Variants in RAPGEF6 observed in about 807,000 individuals in gnomAD.
RAPGEF6 encodes Rap guanine nucleotide exchange factor 6, also known as PDZ domain containing guanine nucleotide exchange factor (GEF) 2.
A neutral mutation model predicts 171.4 loss-of-function variants in RAPGEF6; 56 were observed. The ratio of observed to expected loss-of-function variants is 0.33; its 90% confidence interval spans 0.26 to 0.41. RAPGEF6 has a LOEUF of 0.41. Among genes scored for constraint, RAPGEF6 ranks in the 10% least tolerant of loss-of-function variants. RAPGEF6 has a pLI of 1.00. For missense variants in RAPGEF6, 1,674 were observed against 1,921.4 expected (o/e 0.87, Z 2.41); for synonymous variants, 692 against 650.1 (o/e 1.06, Z -0.98).
intron 4 of RAPGEF6, among the ~76,000 whole-genome samples, chr5:131,573,128 C>T (rs1184113157): frequency 6.6e-6 from 1 of 152,132 alleles, no homozygotes; most frequent in Non-Finnish European, 1.5e-5. Context: ...TCTGACCTCT[C>T]TCCTTCTCCC....
chr5:131,633,492 G>A (rs1480171230), intron 1 of RAPGEF6, among the ~76,000 whole-genome samples: 1 of 152,152 alleles, frequency 6.6e-6, no homozygotes, highest in African/African-American at 2.4e-5. Context: ...CACTTTGGGA[G>A]GCCAACGCGG....
intron 9 of RAPGEF6, among the ~76,000 whole-genome samples, chr5:131,506,974 T>C (rs2149891108): frequency 6.6e-6 from 1 of 151,676 alleles, no homozygotes; most frequent in African/African-American, 2.4e-5. Flanking sequence ...AGATGTTTTC[T>C]AGGATACGGG....
chr5:131,604,767 G>A, intron 1 of RAPGEF6, 74 bp from the exon 2 acceptor site: 3 of 1,477,582 alleles, frequency 2.0e-6, no homozygotes, highest in Admixed American at 5.3e-5. Flanking sequence ...CCACAATTCT[G>A]ATTTTAAGCA....
At chr5:131,466,375 G>C (rs551152920) in intron 17 of RAPGEF6, among the ~76,000 whole-genome samples, 3 of 152,212 alleles carry the variant, frequency 2.0e-5, no homozygotes, top group African/African-American at 7.2e-5. Flanking sequence ...GACATCATCA[G>C]GTTTTTAAAC....
chr5:131,616,140 A>G (rs1765249214), intron 1 of RAPGEF6, among the ~76,000 whole-genome samples: 2 of 152,098 alleles, frequency 1.3e-5, no homozygotes, highest in South Asian at 4.1e-4. Flanking sequence ...AGTGGTGATG[A>G]CTTGGTACTT....
intron 4 of RAPGEF6, among the ~76,000 whole-genome samples, chr5:131,577,682 A>C (rs1762687211): frequency 6.6e-6 from 1 of 152,092 alleles, no homozygotes; most frequent in African/African-American, 2.4e-5. Flanking sequence ...ACAGTACCCT[A>C]ACTGCCGTCC....
In RAPGEF6 at chr5:131,587,976, T is replaced by C. The variant is rs186300147; in HGVS notation, c.281+4407A>G. ...AAGGTATTTCCTTATGGACAAATCA[T>C]GAGGGAGCAATGTAGCTTTTTTTTT... On this transcript the variant is annotated intron_variant, in intron 4 of 27. Transcript: ENST00000509018. Among the ~76,000 whole-genome samples, 112 of 151,796 alleles carry C rather than the reference T, an allele frequency of 7.4e-4. 1 individual carries two copies. The highest frequency in any genetic ancestry group is 5.2e-4 in the Non-Finnish European group (35 of 67,934).
chr5:131,561,396 G>A lies in RAPGEF6; in HGVS notation c.351+582C>T, dbSNP rs1385271813. ...CCTGAGGCTGGGCGCAGTGACCCACGCCTGTAATCTCAGCACTTTGGGAGG... is the reference window on the plus strand; with the variant it reads ...CCTGAGGCTGGGCGCAGTGACCCACACCTGTAATCTCAGCACTTTGGGAGG... On this transcript the variant is annotated intron_variant, in intron 5 of 27. Coordinates refer to ENST00000509018, the MANE Select transcript of RAPGEF6 (RefSeq NM_016340.6). 2.0e-5 allele frequency among the ~76,000 whole-genome samples: 3 copies of A among 152,126 alleles called. No homozygotes were observed. In the East Asian group the frequency reaches 5.8e-4, roughly 29 times the overall value.
intron 4 of RAPGEF6, 79 bp from the exon 5 acceptor site, chr5:131,562,126 C>CA (rs1761641064): frequency 1.0e-6 from 1 of 961,800 alleles, no homozygotes; most frequent in South Asian, 1.6e-5. Context: ...AACAAACAAA[C>CA]AACAAAAAAG....
At chr5:131,576,013 G>A (rs1762584659) in intron 4 of RAPGEF6, among the ~76,000 whole-genome samples, 2 of 151,996 alleles carry the variant, frequency 1.3e-5, no homozygotes, top group South Asian at 4.2e-4. Context: ...TATACTTTCT[G>A]CCCGACTCCT....
chr5:131,461,908 G>A lies in RAPGEF6; in HGVS notation c.2661C>T (p.Asp887=), dbSNP rs1299035244. 1 of 1,614,006 alleles carries A rather than the reference G, an allele frequency of 6.2e-7. No homozygotes were observed. The highest frequency in any genetic ancestry group is 1.1e-5 in the South Asian group (1 of 91,074). ...RNIEPTEYID[D]LFKLNSKTGN... is the part of the protein sequence containing the mutation. ...CTGTTTTGGAATTTAACTTAAAAAGGTCATCGATGTACTCAGTCGGTTCAA... is the reference window on the plus strand; with the variant it reads ...CTGTTTTGGAATTTAACTTAAAAAGATCATCGATGTACTCAGTCGGTTCAA... Residue 887 remains aspartate, a synonymous_variant, in exon 19 of 28, where the codon GAC becomes GAT. Coordinates refer to ENST00000509018, the MANE Select transcript of RAPGEF6 (RefSeq NM_016340.6).
intron 15 of RAPGEF6, among the ~76,000 whole-genome samples, chr5:131,487,725 C>T (rs1336799765): frequency 6.6e-6 from 1 of 152,176 alleles, no homozygotes; most frequent in African/African-American, 2.4e-5. Flanking sequence ...CAGCTGGCTT[C>T]ACCTCTCAGT....
chr5:131,598,840 C>G (rs1212598313), intron 3 of RAPGEF6, among the ~76,000 whole-genome samples: 1 of 152,168 alleles, frequency 6.6e-6, no homozygotes, highest in Non-Finnish European at 1.5e-5. Context: ...AATCCAAAGC[C>G]CACAGCCTCC....
chr5:131,427,311 A>T lies in RAPGEF6; in HGVS notation c.4781-20T>A. 6.3e-7 allele frequency: 1 copy of T among 1,582,994 alleles called. No individual in the cohort carries two copies. On this transcript the variant is annotated intron_variant, in intron 27 of 27. Transcript: ENST00000509018. ...CATTTTCTGAAAATAAAAAATATAT[A>T]ATTAACTGGCAGATCAGCATATTAA...
intron 5 of RAPGEF6, among the ~76,000 whole-genome samples, chr5:131,551,794 C>T: frequency 6.6e-6 from 1 of 151,750 alleles, no homozygotes; most frequent in East Asian, 1.9e-4. Context: ...GGGAAAAGTA[C>T]CAAATGCAAA....
At chr5:131,614,914 T>A (rs1342773933) in intron 1 of RAPGEF6, among the ~76,000 whole-genome samples, 1 of 152,224 alleles carries the variant, frequency 6.6e-6, no homozygotes, top group Non-Finnish European at 1.5e-5. Context: ...TGGCCAAAAT[T>A]GGGTTCTGTT....
chr5:131,630,590 G>A (rs1264114103), intron 1 of RAPGEF6, among the ~76,000 whole-genome samples: 7 of 152,236 alleles, frequency 4.6e-5, no homozygotes, highest in Admixed American at 3.9e-4. Context: ...GAAAGACAAT[G>A]TTCTGTGGAA....
At chr5:131,538,596 G>T (rs993768679) in intron 6 of RAPGEF6, among the ~76,000 whole-genome samples, 1 of 152,050 alleles carries the variant, frequency 6.6e-6, no homozygotes, top group Non-Finnish European at 1.5e-5. Context: ...AAAGGGACTC[G>T]AACATCCTCG....
chr5:131,582,653 A>G (rs963674230), intron 4 of RAPGEF6, among the ~76,000 whole-genome samples: 3 of 152,254 alleles, frequency 2.0e-5, no homozygotes, highest in East Asian at 1.9e-4. Flanking sequence ...GAGGGAAAAT[A>G]CAATGCACAA....
Sources: gnomAD v4.1 joint callset for allele counts (sites outside exome capture counted in the v4.1 genomes callset) on GRCh38, gnomAD v4.1.1 for gene constraint, MANE v1.5 for transcripts, NCBI Gene and HGNC (gene_info 2026-07-23, HGNC 2026-07-21) for gene names.